CMIP: variants seen among roughly 807,000 people sequenced by gnomAD.
CMIP encodes the protein c-Maf inducing protein, also known as C-Maf-inducing protein.
A neutral mutation model predicts 97.3 loss-of-function variants in CMIP; 13 were observed. The ratio of observed to expected loss-of-function variants is 0.13; its 90% confidence interval spans 0.09 to 0.21. The LOEUF (loss-of-function observed/expected upper bound fraction) is 0.21, where lower values mean the gene tolerates loss of function less well. Among genes scored for constraint, CMIP ranks in the 10% least tolerant of loss-of-function variants. The probability of loss-of-function intolerance (pLI) is 1.00; values close to 1 mark genes in which losing one functional copy is unlikely to be tolerated. For synonymous variants in CMIP, 538 were observed against 436.3 expected, an observed-to-expected ratio of 1.23 and a Z score of -2.91; for missense variants, 847 against 1,024.9, an observed-to-expected ratio of 0.83 and a Z score of 2.37.
At chr16:81,458,684 A>C (rs1211650747) in intron 1 of CMIP, among the ~76,000 whole-genome samples, 1 of 152,118 alleles carries the variant, frequency 6.6e-6, no homozygotes, top group East Asian at 1.9e-4. Context: ...CCTTCCCTAA[A>C]ACAGGACAGT....
chr16:81,520,569 G>GGGGGGAGAGA (rs370420453), intron 1 of CMIP: 1 of 106,950 alleles, frequency 9.4e-6, no homozygotes, highest in African/African-American at 4.4e-5. Context: ...GGAGGAAGGG[G>GGGGGGAGAGA]GAGAGAGAGA....
At chr16:81,501,793 G>A (rs1300391918) in intron 1 of CMIP, among the ~76,000 whole-genome samples, 2 of 151,994 alleles carry the variant, frequency 1.3e-5, no homozygotes, top group African/African-American at 2.4e-5. Context: ...TGTATTTTTA[G>A]TAGAGTCGGG....
intron 1 of CMIP, among the ~76,000 whole-genome samples, chr16:81,510,063 C>G (rs1294193542): frequency 6.6e-6 from 1 of 152,230 alleles, no homozygotes; most frequent in Non-Finnish European, 1.5e-5. Flanking sequence ...TTTCCTGTAT[C>G]TTTAATGGGG....
In CMIP at chr16:81,670,052, G is replaced by C. The variant is rs1294388153; in HGVS notation, c.826-90G>C. ...ACATCAACAGCTCCAGGCAGAGCTCGGTCCCGCCCTTCTTTCTGGTGTCCT... is the reference window on the plus strand; with the variant it reads ...ACATCAACAGCTCCAGGCAGAGCTCCGTCCCGCCCTTCTTTCTGGTGTCCT... On this transcript the variant is annotated intron_variant, in intron 7 of 20. Transcript: ENST00000537098. 9.6e-6 allele frequency: 12 copies of C among 1,245,600 alleles called. No individual in the cohort carries two copies. The Admixed American group carries it at 1.1e-4, about 11-fold the overall frequency. The allele number at this position is 1,245,600 out of a possible 1,614,324, so 77.2% of individuals were successfully genotyped here.
At chr16:81,531,981 CCTG>C (rs539015362) in intron 1 of CMIP, among the ~76,000 whole-genome samples, 192 of 152,272 alleles carry the variant, frequency 1.3e-3, no homozygotes, top group Non-Finnish European at 2.2e-3. Flanking sequence ...CTAAAACTGT[CCTG>C]CGATTTGATA....
At chr16:81,451,309 C>G (rs988417967) in intron 1 of CMIP, among the ~76,000 whole-genome samples, 14 of 152,194 alleles carry the variant, frequency 9.2e-5, no homozygotes, top group South Asian at 2.1e-4. Flanking sequence ...CTTTCATTCT[C>G]CTCTTGTCTG....
At chr16:81,588,355 T>A (rs950143351) in intron 1 of CMIP, among the ~76,000 whole-genome samples, 1 of 152,210 alleles carries the variant, frequency 6.6e-6, no homozygotes, top group Admixed American at 6.5e-5. Context: ...TTTAAGAGAT[T>A]TGGGGGAGAC....
At chr16:81,486,721 A>G (rs1047402279) in intron 1 of CMIP, among the ~76,000 whole-genome samples, 1 of 152,192 alleles carries the variant, frequency 6.6e-6, no homozygotes, top group African/African-American at 2.4e-5. Context: ...TTAACTCCCT[A>G]AGCGAATCCA....
chr16:81,611,136 C>T (rs529797824), intron 2 of CMIP, among the ~76,000 whole-genome samples: 1 of 152,354 alleles, frequency 6.6e-6, no homozygotes, highest in Non-Finnish European at 1.5e-5. Flanking sequence ...CACAGTTCCT[C>T]AGTCCCGTTA....
At chr16:81,645,164 C>T (rs749885112) in intron 3 of CMIP, among the ~76,000 whole-genome samples, 1 of 152,242 alleles carries the variant, frequency 6.6e-6, no homozygotes, top group Non-Finnish European at 1.5e-5. Context: ...TGTGCGTAGC[C>T]ACCTGGGGCT....
At chr16:81,696,353 C>G in intron 13 of CMIP, 1 of 618,746 alleles carries the variant, frequency 1.6e-6, no homozygotes, top group South Asian at 1.9e-5. Flanking sequence ...AGCCAGAGTC[C>G]CCTGGGGTGT....
At chr16:81,593,704 A>C (rs558610799) in intron 1 of CMIP, among the ~76,000 whole-genome samples, 1 of 152,254 alleles carries the variant, frequency 6.6e-6, no homozygotes, top group African/African-American at 2.4e-5. Flanking sequence ...CGCTGGCACA[A>C]ATGGATCCTC....
rs549907271 is a variant in CMIP, at chr16:81,571,258, C to A, written c.301-36309C>A. Reference sequence around the variant, plus strand: ...GCTCAGGTGGGAGGATTGCTTGAGGCCAGGAGTTTGAGACCAGCTTGGGCA... The same window carrying A: ...GCTCAGGTGGGAGGATTGCTTGAGGACAGGAGTTTGAGACCAGCTTGGGCA... On this transcript the variant is annotated intron_variant, in intron 1 of 20. Coordinates refer to ENST00000537098, the MANE Select transcript of CMIP (RefSeq NM_198390.3). Among the ~76,000 whole-genome samples the A allele has an allele frequency of 3.9e-5, 6 of 152,094 alleles. No individual in the cohort carries two copies. The East Asian group carries it at 1.2e-3, about 29-fold the overall frequency.
chr16:81,448,549 C>T (rs1195289154), intron 1 of CMIP, among the ~76,000 whole-genome samples: 1 of 152,166 alleles, frequency 6.6e-6, no homozygotes, highest in Non-Finnish European at 1.5e-5. Context: ...CAGCCTCACC[C>T]GCCTGGCCTG....
intron 2 of CMIP, chr16:81,610,374 C>T: frequency 2.0e-6 from 2 of 985,592 alleles, no homozygotes; most frequent in Non-Finnish European, 2.4e-6. Flanking sequence ...CTCACTGCCC[C>T]CTGATCCCGT....
At chr16:81,557,871 A>G (rs1597557045) in intron 1 of CMIP, among the ~76,000 whole-genome samples, 1 of 152,174 alleles carries the variant, frequency 6.6e-6, no homozygotes, top group East Asian at 1.9e-4. Flanking sequence ...CCATTGTGCA[A>G]CCATCACTAC....
chr16:81,659,869 C>T (rs937529782), intron 5 of CMIP, among the ~76,000 whole-genome samples: 1 of 152,256 alleles, frequency 6.6e-6, no homozygotes, highest in African/African-American at 2.4e-5. Context: ...ACAGCCTCCC[C>T]TTCCAGCATT....
chr16:81,527,128 A>T (rs944943851), intron 1 of CMIP, among the ~76,000 whole-genome samples: 1 of 152,210 alleles, frequency 6.6e-6, no homozygotes, highest in Non-Finnish European at 1.5e-5. Context: ...CTGCTACAGA[A>T]TTTCTCAGCT....
chr16:81,568,961 TAC>T (rs2150885302), intron 1 of CMIP, among the ~76,000 whole-genome samples: 1 of 152,208 alleles, frequency 6.6e-6, no homozygotes, highest in Admixed American at 6.5e-5. Flanking sequence ...AAAAGAGAAA[TAC>T]AGTGAAAAAC....
Sources: allele counts gnomAD v4.1 joint callset (sites outside exome capture counted in the v4.1 genomes callset), GRCh38; gene constraint gnomAD v4.1.1; transcripts MANE v1.5; gene names NCBI Gene and HGNC (gene_info 2026-07-23, HGNC 2026-07-21).